TENM2: variants seen among roughly 807,000 people sequenced by gnomAD.
TENM2 encodes the protein teneurin transmembrane protein 2, also known as teneurin-2.
In TENM2, 52 loss-of-function variants were observed where a neutral mutation model predicts 245.2. That is an observed-to-expected ratio of 0.21 (90% confidence interval 0.17 to 0.27). The LOEUF is 0.27. TENM2 is among the 10% of genes least tolerant of loss of function. The pLI is 1.00. For synonymous variants in TENM2, 1,363 were observed against 1,438.9 expected, an observed-to-expected ratio of 0.95 and a Z score of 1.19; for missense variants, 3,046 against 3,666.8, an observed-to-expected ratio of 0.83 and a Z score of 4.37.
the TENM2 span, among the ~76,000 whole-genome samples, chr5:167,222,851 A>G: frequency 6.6e-6 from 1 of 152,180 alleles, no homozygotes; most frequent in African/African-American, 2.4e-5. Flanking sequence ...AAAATATGGG[A>G]AATGAAAAAT....
the TENM2 span, among the ~76,000 whole-genome samples, chr5:167,046,803 G>T: frequency 2.0e-5 from 3 of 152,064 alleles, no homozygotes; most frequent in African/African-American, 7.2e-5. Context: ...CCATCATCTA[G>T]GTTTTAAGCC....
chr5:167,648,654 G>A (rs997453320), intron 2 of TENM2, among the ~76,000 whole-genome samples: 1 of 152,188 alleles, frequency 6.6e-6, no homozygotes. Context: ...TGCTGCAGTC[G>A]GATGGATGTC....
chr5:168,253,587 G>A (rs1467023024), intron 27 of TENM2, among the ~76,000 whole-genome samples: 2 of 151,756 alleles, frequency 1.3e-5, no homozygotes, highest in Non-Finnish European at 2.9e-5. Context: ...CACCACGCCC[G>A]GCTAATTGTT....
intron 2 of TENM2, among the ~76,000 whole-genome samples, chr5:167,541,183 GAAGA>G (rs1772189091): frequency 6.6e-6 from 1 of 152,138 alleles, no homozygotes; most frequent in Admixed American, 6.5e-5. Context: ...AATAAAACCT[GAAGA>G]AAGTAGCTAG....
intron 25 of TENM2, among the ~76,000 whole-genome samples, chr5:168,238,208 A>G (rs1581729017): frequency 1.1e-5 from 1 of 94,780 alleles, no homozygotes; most frequent in African/African-American, 3.6e-5. Context: ...GGAGGGAGGG[A>G]GGGAGGGAGA....
chr5:167,101,247 A>G, the TENM2 span, among the ~76,000 whole-genome samples: 19 of 152,212 alleles, frequency 1.2e-4, no homozygotes, highest in Non-Finnish European at 4.4e-5. Flanking sequence ...GAAACAGTAT[A>G]TAGTGTAATT....
chr5:167,561,502 G>A (rs149056565), intron 2 of TENM2, among the ~76,000 whole-genome samples: 39 of 152,306 alleles, frequency 2.6e-4, no homozygotes, highest in Non-Finnish European at 4.9e-4. Context: ...ACTGTGGTCC[G>A]TGGTTCAAAA....
intron 2 of TENM2, among the ~76,000 whole-genome samples, chr5:167,744,890 A>G (rs1173178842): frequency 1.3e-5 from 2 of 152,212 alleles, no homozygotes; most frequent in African/African-American, 2.4e-5. Context: ...CCTAGGACCT[A>G]TAGATTTTAA....
At chr5:168,199,752 A>C in intron 16 of TENM2, 112 bp from the exon 19 acceptor site, 1 of 1,171,082 alleles carries the variant, frequency 8.5e-7, no homozygotes, top group South Asian at 1.5e-5. Flanking sequence ...TCTTGCACCC[A>C]CATAAGATGT....
the TENM2 span, among the ~76,000 whole-genome samples, chr5:167,144,529 A>C: frequency 1.3e-5 from 2 of 151,998 alleles, no homozygotes; most frequent in Non-Finnish European, 2.9e-5. Flanking sequence ...TCCTCAATTC[A>C]TTGTGTAGTG....
intron 2 of TENM2, among the ~76,000 whole-genome samples, chr5:167,700,429 C>G (rs1758062950): frequency 6.6e-6 from 1 of 152,136 alleles, no homozygotes; most frequent in South Asian, 2.1e-4. Context: ...CTGCAGAACT[C>G]CAAGGGGCAC....
chr5:168,223,341 A>C (rs1763835197), intron 23 of TENM2, among the ~76,000 whole-genome samples: 1 of 152,194 alleles, frequency 6.6e-6, no homozygotes, highest in South Asian at 2.1e-4. Flanking sequence ...CAGGAGGAGA[A>C]ACTGTCTGTT....
intron 2 of TENM2, among the ~76,000 whole-genome samples, chr5:167,468,348 C>T (rs1264241227): frequency 1.3e-5 from 2 of 152,172 alleles, no homozygotes; most frequent in African/African-American, 2.4e-5. Flanking sequence ...CTTTGCAACA[C>T]TAGAATGTCT....
intron 2 of TENM2, among the ~76,000 whole-genome samples, chr5:167,673,322 A>G (rs1371851704): frequency 6.6e-6 from 1 of 152,084 alleles, no homozygotes; most frequent in African/African-American, 2.4e-5. Context: ...AAATGATTCT[A>G]ATTTTAGCAT....
chr5:167,662,279 T>G (rs1453481208), intron 2 of TENM2, among the ~76,000 whole-genome samples: 3 of 152,202 alleles, frequency 2.0e-5, no homozygotes, highest in Non-Finnish European at 4.4e-5. Context: ...CTCAGAGATC[T>G]GCTCATTCAG....
chr5:167,985,956 C>G (rs968046906), intron 4 of TENM2, among the ~76,000 whole-genome samples: 3 of 152,232 alleles, frequency 2.0e-5, no homozygotes, highest in African/African-American at 7.2e-5. Flanking sequence ...CTAGATTAGT[C>G]AAGCTCCTTC....
chr5:167,754,283 A>G (rs1300287799), intron 2 of TENM2, among the ~76,000 whole-genome samples: 1 of 152,156 alleles, frequency 6.6e-6, no homozygotes, highest in Non-Finnish European at 1.5e-5. Flanking sequence ...CAGTACAGGA[A>G]AGGAAAAATA....
chr5:167,521,942 TC>T (rs1282059743), intron 2 of TENM2, among the ~76,000 whole-genome samples: 1 of 152,168 alleles, frequency 6.6e-6, no homozygotes, highest in Non-Finnish European at 1.5e-5. Flanking sequence ...ATTTATGGTA[TC>T]CTTTGAGTGC....
chr5:167,852,730 A>C (rs2909795), intron 2 of TENM2, among the ~76,000 whole-genome samples: 114,342 of 151,990 alleles, frequency 0.75, 47,017 homozygotes, highest in South Asian at 0.93. Context: ...GCTCTTTTAT[A>C]TTTCTCTTTA....
Sources: gnomAD v4.1 joint callset for allele counts (sites outside exome capture counted in the v4.1 genomes callset) on GRCh38, gnomAD v4.1.1 for gene constraint, MANE v1.5 for transcripts, NCBI Gene and HGNC (gene_info 2026-07-23, HGNC 2026-07-21) for gene names.